The following CNTN1 variants were observed in gnomAD, a reference collection of about 807,000 sequenced individuals.
The protein encoded by CNTN1 is contactin-1.
CNTN1 carries 38 observed loss-of-function variants against 126.4 expected under a neutral mutation model. The ratio of observed to expected loss-of-function variants is 0.30; its 90% CI spans 0.23 to 0.39. CNTN1 has a LOEUF of 0.39. CNTN1 is among the 10% of genes least tolerant of loss of function. CNTN1 has a pLI of 1.00. For synonymous variants in CNTN1, 413 were observed against 422.6 expected (o/e 0.98, Z 0.28); for missense variants, 1,009 against 1,248.4 (o/e 0.81, Z 2.89).
intron 3 of CNTN1, among the ~76,000 whole-genome samples, chr12:40,911,195 C>A (rs1255612799): frequency 1.3e-5 from 2 of 152,144 alleles, no homozygotes; most frequent in Non-Finnish European, 2.9e-5. Flanking sequence ...ATTCTCCTGC[C>A]TCAGCCTCCC....
chr12:40,971,789 T>C (rs1947520759), intron 15 of CNTN1: 4 of 1,193,014 alleles, frequency 3.4e-6, no homozygotes, highest in Non-Finnish European at 4.2e-6. Flanking sequence ...CATGTCCTGT[T>C]TTTCTTTGAA....
At chr12:40,792,924 G>A (rs1196211903) in intron 1 of CNTN1, among the ~76,000 whole-genome samples, 1 of 152,094 alleles carries the variant, frequency 6.6e-6, no homozygotes, top group African/African-American at 2.4e-5. Flanking sequence ...CAGACCACAG[G>A]AATAGCTCTG....
At position 41,010,865 on chromosome 12, in the gene CNTN1, G is replaced by GT. The variant is rs35933164; in HGVS notation, c.2114-3352dup. On this transcript the variant is annotated intron_variant, in intron 17 of 23. Coordinates refer to ENST00000551295, the MANE Select transcript of CNTN1 (RefSeq NM_001843.4). ...ATCACCGGTGTTCCAACTAGGGTTT[G>GT]TTTTTTTTTTTAGAGGAACTGCTTC... Among the ~76,000 whole-genome samples the GT allele has an allele frequency of 4.5e-3, 648 of 144,946 alleles. 3 individuals carry two copies. Among genetic ancestry groups the GT allele is most frequent in the Admixed American group, 0.011 (161 of 14,548 alleles).
chr12:40,922,483 A>G (rs1346447637), intron 5 of CNTN1, 55 bp downstream of exon 5: 1 of 1,522,000 alleles, frequency 6.6e-7, no homozygotes. Flanking sequence ...GAGTTCAGCA[A>G]GAAGAACAAT....
At chr12:40,857,190 G>A (rs1160768636) in intron 1 of CNTN1, among the ~76,000 whole-genome samples, 1 of 152,064 alleles carries the variant, frequency 6.6e-6, no homozygotes, top group Non-Finnish European at 1.5e-5. Context: ...TGGGGAATAT[G>A]TGATGCTGAA....
At chr12:40,716,247 C>T (rs1942044494) in intron 1 of CNTN1, among the ~76,000 whole-genome samples, 1 of 151,522 alleles carries the variant, frequency 6.6e-6, no homozygotes, top group Admixed American at 6.6e-5. Context: ...TCTCTCTCTC[C>T]TTTTCTTCTT....
Position 40,789,690 on chromosome 12 carries a change from T to TG in CNTN1, c.-77+97098_-77+97099insG. Among the ~76,000 whole-genome samples the TG allele has an allele frequency of 1.3e-5, 2 of 151,004 alleles. 1 individual carries two copies. The highest frequency in any genetic ancestry group is 3.9e-4 in the East Asian group (2 of 5,128). On this transcript the variant is annotated intron_variant, in intron 1 of 23. Coordinates refer to ENST00000551295, the MANE Select transcript of CNTN1 (RefSeq NM_001843.4). ...TTTTGAGTTCATATATACCTAAATT[T>TG]TAATATCCTATTTTTTACTTCATGT...
chr12:40,761,750 G>A (rs1213973108), intron 1 of CNTN1, among the ~76,000 whole-genome samples: 4 of 151,992 alleles, frequency 2.6e-5, no homozygotes, highest in African/African-American at 9.7e-5. Flanking sequence ...GGGACTGTTT[G>A]TGTCTTCAGT....
At chr12:40,782,029 TTTGTC>T (rs957618461) in intron 1 of CNTN1, among the ~76,000 whole-genome samples, 1 of 151,962 alleles carries the variant, frequency 6.6e-6, no homozygotes, top group African/African-American at 2.4e-5. Context: ...TGAATATAAT[TTTGTC>T]TTGTCACATG....
chr12:40,868,303 A>T (rs984262525), intron 1 of CNTN1, among the ~76,000 whole-genome samples: 1 of 152,134 alleles, frequency 6.6e-6, no homozygotes, highest in African/African-American at 2.4e-5. Flanking sequence ...TTTAATTTGG[A>T]TGAAAATTTG....
At chr12:40,930,698 C>T (rs1036196808) in intron 7 of CNTN1, among the ~76,000 whole-genome samples, 4 of 151,986 alleles carry the variant, frequency 2.6e-5, no homozygotes, top group Non-Finnish European at 5.9e-5. Flanking sequence ...CTCATGAGAG[C>T]ATACCAGCTT....
At chr12:40,800,469 G>C (rs1940603572) in intron 1 of CNTN1, among the ~76,000 whole-genome samples, 1 of 151,910 alleles carries the variant, frequency 6.6e-6, no homozygotes, top group South Asian at 2.1e-4. Flanking sequence ...AGGAAAAAGT[G>C]CTCTTTAATT....
At chr12:41,052,206 G>A (rs11179617) in intron 23 of CNTN1, among the ~76,000 whole-genome samples, 18,027 of 152,032 alleles carry the variant, frequency 0.12, 1,266 homozygotes, top group Non-Finnish European at 0.16. Context: ...TTTGTCTCTG[G>A]TCTTAAGACC....
intron 1 of CNTN1, among the ~76,000 whole-genome samples, chr12:40,698,282 C>T (rs990991631): frequency 8.0e-6 from 1 of 124,882 alleles, no homozygotes; most frequent in Non-Finnish European, 1.6e-5. Flanking sequence ...GTCGCCCAGG[C>T]TGGAGTGCAG....
At position 40,949,348 on chromosome 12, in the gene CNTN1, G is replaced by T. The variant is rs184723080; in HGVS notation, c.1683+5178G>T. Among the ~76,000 whole-genome samples the T allele has an allele frequency of 2.7e-3, 412 of 150,884 alleles. 3 individuals carry two copies. Among genetic ancestry groups the T allele is most frequent in the African/African-American group, 9.4e-3 (385 of 41,144 alleles). Reference sequence around the variant, plus strand: ...TTGTGCAGGTCACATATGTATACATGTGCCATGCTGGTGCGCTGCACCCAC... The same window carrying T: ...TTGTGCAGGTCACATATGTATACATTTGCCATGCTGGTGCGCTGCACCCAC... On this transcript the variant is annotated intron_variant, in intron 14 of 23. Transcript: ENST00000551295.
intron 23 of CNTN1, among the ~76,000 whole-genome samples, chr12:41,052,705 C>T (rs1592466440): frequency 6.6e-6 from 1 of 151,996 alleles, no homozygotes; most frequent in Non-Finnish European, 1.5e-5. Context: ...TTTGTTTTTT[C>T]AATTTAACTA....
chr12:40,888,111 A>T (rs1220453100), intron 1 of CNTN1, among the ~76,000 whole-genome samples: 3 of 152,086 alleles, frequency 2.0e-5, no homozygotes, highest in Middle Eastern at 3.4e-3. Context: ...ACATGTATAC[A>T]TATGTAACAA....
At chr12:40,835,312 AT>A (rs1942007578) in intron 1 of CNTN1, among the ~76,000 whole-genome samples, 1 of 152,220 alleles carries the variant, frequency 6.6e-6, no homozygotes, top group African/African-American at 2.4e-5. Context: ...GACAGCTGTC[AT>A]TATGGGTTGA....
intron 1 of CNTN1, among the ~76,000 whole-genome samples, chr12:40,789,982 T>C (rs1940160503): frequency 6.6e-6 from 1 of 152,154 alleles, no homozygotes; most frequent in Non-Finnish European, 1.5e-5. Flanking sequence ...TTCTTCCATC[T>C]AATCTTGAAA....
Sources: allele counts gnomAD v4.1 joint callset (sites outside exome capture counted in the v4.1 genomes callset), GRCh38; gene constraint gnomAD v4.1.1; transcripts MANE v1.5; gene names NCBI Gene and HGNC (gene_info 2026-07-23, HGNC 2026-07-21).